The following ESRRG variants were observed in gnomAD, a reference collection of about 807,000 sequenced individuals.
ESRRG encodes the protein estrogen-related receptor gamma.
A neutral mutation model predicts 44.0 loss-of-function variants in ESRRG; 13 were observed. The observed-to-expected ratio is 0.30, with a 90% CI of 0.19 to 0.47. The LOEUF is 0.47. Ranked by LOEUF, ESRRG falls within the 20% of genes least tolerant of loss-of-function variation. The pLI, the probability that ESRRG is intolerant of heterozygous loss-of-function variation, is 1.00. For missense variants in ESRRG, 395 were observed against 580.6 expected, an observed-to-expected ratio of 0.68 and a Z score of 3.29; for synonymous variants, 215 against 214.6, an observed-to-expected ratio of 1.00 and a Z score of -0.02.
chr1:216,544,642 A>G (rs1462435442), intron 5 of ESRRG, among the ~76,000 whole-genome samples: 1 of 152,086 alleles, frequency 6.6e-6, no homozygotes, highest in South Asian at 2.1e-4. Context: ...AAGAAGAGTT[A>G]ATCTAGTTAG....
intron 2 of ESRRG, among the ~76,000 whole-genome samples, chr1:216,739,857 T>A (rs920728898): frequency 1.3e-5 from 2 of 152,166 alleles, no homozygotes. Flanking sequence ...AATTCCCACC[T>A]CCGACCCCTC....
At chr1:216,578,588 CAG>C in intron 3 of ESRRG, among the ~76,000 whole-genome samples, 1 of 152,156 alleles carries the variant, frequency 6.6e-6, no homozygotes, top group East Asian at 1.9e-4. Context: ...TGGGTTGATT[CAG>C]AGTCTGATAT....
At chr1:216,513,593 T>C (rs1341788778) in intron 6 of ESRRG, among the ~76,000 whole-genome samples, 1 of 152,128 alleles carries the variant, frequency 6.6e-6, no homozygotes, top group Non-Finnish European at 1.5e-5. Flanking sequence ...TCTGACTGTA[T>C]TTATATAAAA....
At chr1:216,988,673 G>A (rs1334772931) in intron 1 of ESRRG, among the ~76,000 whole-genome samples, 1 of 152,110 alleles carries the variant, frequency 6.6e-6, no homozygotes, top group Non-Finnish European at 1.5e-5. Flanking sequence ...TACCATATTT[G>A]TATATTTCCC....
At chr1:216,958,408 C>T (rs566109852) in intron 1 of ESRRG, among the ~76,000 whole-genome samples, 78 of 152,240 alleles carry the variant, frequency 5.1e-4, no homozygotes, top group South Asian at 1.5e-3. Flanking sequence ...GTTCAGATTA[C>T]GCTACATACT....
At chr1:216,929,078 A>G (rs1484170441) in intron 2 of ESRRG, among the ~76,000 whole-genome samples, 3 of 152,188 alleles carry the variant, frequency 2.0e-5, no homozygotes, top group Non-Finnish European at 4.4e-5. Context: ...ATGTACACTT[A>G]GAAATGGCTA....
chr1:216,876,692 G>T (rs1403812939), intron 2 of ESRRG, among the ~76,000 whole-genome samples: 2 of 151,708 alleles, frequency 1.3e-5, no homozygotes, highest in African/African-American at 2.4e-5. Flanking sequence ...ATTATGGTCA[G>T]TATTATTCAT....
At chr1:216,790,296 TG>T (rs1044875568) in intron 2 of ESRRG, among the ~76,000 whole-genome samples, 1 of 152,160 alleles carries the variant, frequency 6.6e-6, no homozygotes, top group Admixed American at 6.6e-5. Context: ...AATCTAACAC[TG>T]GGTAGTATGA....
At chr1:217,009,192 C>T (rs779883810) in intron 1 of ESRRG, among the ~76,000 whole-genome samples, 3 of 152,118 alleles carry the variant, frequency 2.0e-5, no homozygotes, top group Non-Finnish European at 4.4e-5. Context: ...GGTATTACCC[C>T]CTTACCGCTC....
intron 3 of ESRRG, among the ~76,000 whole-genome samples, chr1:216,636,078 T>A (rs1467098387): frequency 6.6e-6 from 1 of 152,156 alleles, no homozygotes; most frequent in Non-Finnish European, 1.5e-5. Flanking sequence ...TTATCACTAT[T>A]TTACAGACTA....
chr1:216,531,461 G>A (rs1248430461), intron 5 of ESRRG, among the ~76,000 whole-genome samples: 2 of 152,016 alleles, frequency 1.3e-5, no homozygotes, highest in South Asian at 2.1e-4. Context: ...CTGGGGAGGC[G>A]ACCAGTTATC....
chr1:216,849,979 A>G (rs1486585992), intron 2 of ESRRG, among the ~76,000 whole-genome samples: 1 of 152,120 alleles, frequency 6.6e-6, no homozygotes, highest in Non-Finnish European at 1.5e-5. Flanking sequence ...TTCTAATTGC[A>G]CTTTAAAATT....
intron 2 of ESRRG, among the ~76,000 whole-genome samples, chr1:216,932,982 A>C (rs2063596500): frequency 1.3e-5 from 2 of 151,896 alleles, no homozygotes; most frequent in South Asian, 4.1e-4. Flanking sequence ...TAAGACCACA[A>C]GAATTAAAAC....
intron 1 of ESRRG, among the ~76,000 whole-genome samples, chr1:217,137,495 A>G (rs1259292121): frequency 6.6e-6 from 1 of 152,170 alleles, no homozygotes; most frequent in Non-Finnish European, 1.5e-5. Context: ...CTGGGGCTCG[A>G]GAGCTGACGG....
At chr1:216,824,052 G>C (rs952078538) in intron 2 of ESRRG, among the ~76,000 whole-genome samples, 3 of 152,130 alleles carry the variant, frequency 2.0e-5, no homozygotes, top group African/African-American at 7.2e-5. Context: ...ATGAAGCAAA[G>C]TCCAGAAAAT....
At chr1:216,904,066 T>G (rs2059405439) in intron 2 of ESRRG, among the ~76,000 whole-genome samples, 1 of 152,112 alleles carries the variant, frequency 6.6e-6, no homozygotes, top group African/African-American at 2.4e-5. Flanking sequence ...CGTACCTACC[T>G]TGCAGGGTTG....
chr1:217,105,474 A>T (rs2092579451), intron 1 of ESRRG, among the ~76,000 whole-genome samples: 2 of 152,114 alleles, frequency 1.3e-5, no homozygotes, highest in Admixed American at 1.3e-4. Context: ...CGAGCTGTTC[A>T]TCTCCCCAGC....
chr1:217,016,851 T>C (rs532636156), intron 1 of ESRRG, among the ~76,000 whole-genome samples: 2 of 152,206 alleles, frequency 1.3e-5, no homozygotes, highest in African/African-American at 4.8e-5. Flanking sequence ...CAAACTGTAA[T>C]TGTCAATTAG....
chr1:216,833,412 A>C (rs1186590991), intron 2 of ESRRG, among the ~76,000 whole-genome samples: 1 of 152,138 alleles, frequency 6.6e-6, no homozygotes, highest in African/African-American at 2.4e-5. Context: ...ATTAGCTACA[A>C]TTTCCTGGGC....
Sources: allele counts gnomAD v4.1 joint callset (sites outside exome capture counted in the v4.1 genomes callset), GRCh38; gene constraint gnomAD v4.1.1; transcripts MANE v1.5; gene names NCBI Gene and HGNC (gene_info 2026-07-23, HGNC 2026-07-21).